DIAPH2: variants seen among roughly 807,000 people sequenced by gnomAD.
DIAPH2 encodes the protein protein diaphanous homolog 2.
A neutral mutation model predicts 92.7 loss-of-function variants in DIAPH2; 35 were observed. That is an observed-to-expected ratio of 0.38 (90% CI 0.29 to 0.50). The LOEUF (loss-of-function observed/expected upper bound fraction) is 0.50, where lower values mean the gene tolerates loss of function less well. Among genes scored for constraint, DIAPH2 ranks in the 20% least tolerant of loss-of-function variants. The pLI, the probability that DIAPH2 is intolerant of heterozygous loss-of-function variation, is 0.94. For synonymous variants in DIAPH2, 301 were observed against 280.4 expected, an observed-to-expected ratio of 1.07 and a Z score of -0.73; for missense variants, 701 against 819.5, an observed-to-expected ratio of 0.86 and a Z score of 1.77.
intron 19 of DIAPH2, among the ~76,000 whole-genome samples, chrX:97,082,477 C>CA (rs2066753924): frequency 2.9e-5 from 3 of 103,399 alleles, no homozygotes; most frequent in South Asian, 8.7e-4. Context: ...AAAAAAAATA[C>CA]AAAAATTAGT....
At chrX:97,316,728 T>G (rs1454388274) in intron 23 of DIAPH2, among the ~76,000 whole-genome samples, 1 of 111,965 alleles carries the variant, frequency 8.9e-6, no homozygotes, top group Non-Finnish European at 1.9e-5. Context: ...GTCCATTTCT[T>G]TTTCCTGTAC....
chrX:97,139,650 T>C (rs2067196927), intron 21 of DIAPH2, among the ~76,000 whole-genome samples: 1 of 111,227 alleles, frequency 9.0e-6, no homozygotes, highest in Non-Finnish European at 1.9e-5. Flanking sequence ...CTAATACATT[T>C]AACTGATGTT....
intron 25 of DIAPH2, among the ~76,000 whole-genome samples, chrX:97,389,390 C>CG (rs1223877448): frequency 9.8e-6 from 1 of 102,278 alleles, no homozygotes; most frequent in East Asian, 3.2e-4. Context: ...TGCTTGAACC[C>CG]GGGGGGCAGA....
At chrX:97,032,022 T>G in intron 17 of DIAPH2, among the ~76,000 whole-genome samples, 1 of 111,716 alleles carries the variant, frequency 9.0e-6, no homozygotes, top group Non-Finnish European at 1.9e-5. Context: ...TTAGGGAAAG[T>G]GGTAAGAAAT....
chrX:97,338,261 C>A (rs1267782969), intron 23 of DIAPH2, among the ~76,000 whole-genome samples: 1 of 111,904 alleles, frequency 8.9e-6, no homozygotes, highest in Non-Finnish European at 1.9e-5. Context: ...TTAATACATG[C>A]ATTCCATATT....
At position 97,295,818 on chromosome X, in the gene DIAPH2, G is replaced by A. The variant is rs751711853; in HGVS notation, c.2844+47979G>A. Among the ~76,000 whole-genome samples the A allele has an allele frequency of 8.5e-5, 9 of 106,504 alleles. No individual in the cohort carries two copies. The East Asian group carries it at 2.6e-3, about 31-fold the overall frequency. 92.5% of individuals were successfully genotyped at this position (106,504 alleles called of 115,157 possible). Reference sequence around the variant, plus strand: ...CTAATCTCAGCTCACTGCAACCTCCGCCTCTCAGGTTCAAGCTATTCTCCT... The same window carrying A: ...CTAATCTCAGCTCACTGCAACCTCCACCTCTCAGGTTCAAGCTATTCTCCT... On this transcript the variant is annotated intron_variant, in intron 23 of 26. Transcript: ENST00000324765.
intron 26 of DIAPH2, among the ~76,000 whole-genome samples, chrX:97,586,449 A>ACCAAACTGAACT (rs1312910092): frequency 1.2e-4 from 13 of 109,733 alleles, no homozygotes; most frequent in Admixed American, 4.8e-4. Flanking sequence ...CACCTACTGC[A>ACCAAACTGAACT]TGATCACCAA....
chrX:96,800,267 C>T (rs202173793), intron 4 of DIAPH2, among the ~76,000 whole-genome samples: 1 of 96,330 alleles, frequency 1.0e-5, no homozygotes, highest in Admixed American at 1.1e-4. Context: ...ATTTTTTTTT[C>T]CCCAGATGTA....
At chrX:97,097,348 C>T (rs910438804) in intron 19 of DIAPH2, among the ~76,000 whole-genome samples, 1 of 111,659 alleles carries the variant, frequency 9.0e-6, no homozygotes, top group Non-Finnish European at 1.9e-5. Context: ...TATTCTAATT[C>T]GCAAGTACAA....
intron 4 of DIAPH2, among the ~76,000 whole-genome samples, chrX:96,811,955 C>T (rs1426263355): frequency 9.0e-6 from 1 of 111,666 alleles, no homozygotes; most frequent in Non-Finnish European, 1.9e-5. Context: ...CATCGATGTT[C>T]ATCAGGGATA....
chrX:97,225,942 C>T (rs137937356), intron 22 of DIAPH2, among the ~76,000 whole-genome samples: 1,683 of 111,252 alleles, frequency 0.015, 32 homozygotes, highest in African/African-American at 0.052. Context: ...GGTGCCTAAG[C>T]ATAGTAGGTC....
chrX:96,988,220 CAT>C (rs2066045407), intron 17 of DIAPH2, among the ~76,000 whole-genome samples: 1 of 109,690 alleles, frequency 9.1e-6, no homozygotes, highest in African/African-American at 3.3e-5. Flanking sequence ...TAATAATAAA[CAT>C]GTAATTATAT....
At chrX:97,438,881 A>G (rs907927374) in intron 26 of DIAPH2, among the ~76,000 whole-genome samples, 1 of 111,951 alleles carries the variant, frequency 8.9e-6, no homozygotes, top group Non-Finnish European at 1.9e-5. Flanking sequence ...TTACTTTCAA[A>G]TATGTGATGC....
chrX:97,165,016 A>G (rs2067401754), intron 22 of DIAPH2, among the ~76,000 whole-genome samples: 1 of 112,535 alleles, frequency 8.9e-6, no homozygotes, highest in Non-Finnish European at 1.9e-5. Flanking sequence ...TTCAACAACT[A>G]TGGATTGAAT....
intron 19 of DIAPH2, among the ~76,000 whole-genome samples, chrX:97,090,600 C>T (rs1275958187): frequency 9.0e-6 from 1 of 110,721 alleles, no homozygotes; most frequent in Non-Finnish European, 1.9e-5. Context: ...GGGTCAGTAT[C>T]TAGATGATGG....
At chrX:97,382,037 T>C (rs1022663949) in intron 24 of DIAPH2, among the ~76,000 whole-genome samples, 1 of 111,435 alleles carries the variant, frequency 9.0e-6, no homozygotes, top group Non-Finnish European at 1.9e-5. Context: ...AAATTAGAGA[T>C]TTGACCACTA....
At chrX:97,432,729 C>T (rs1315692174) in intron 26 of DIAPH2, among the ~76,000 whole-genome samples, 2 of 110,487 alleles carry the variant, frequency 1.8e-5, no homozygotes, top group Non-Finnish European at 3.8e-5. Context: ...TCAGGTGATC[C>T]GCCCACCTCG....
At chrX:97,362,156 T>G (rs751073736) in intron 24 of DIAPH2, among the ~76,000 whole-genome samples, 1 of 109,274 alleles carries the variant, frequency 9.2e-6, no homozygotes, top group African/African-American at 3.3e-5. Flanking sequence ...CAGGAGAATC[T>G]CTTGAACCCA....
At chrX:97,215,846 A>T (rs1367644376) in intron 22 of DIAPH2, among the ~76,000 whole-genome samples, 2 of 112,288 alleles carry the variant, frequency 1.8e-5, no homozygotes, top group Non-Finnish European at 3.8e-5. Context: ...GAGAGTGAGG[A>T]AAAATTGTAG....
Sources: allele counts gnomAD v4.1 joint callset (sites outside exome capture counted in the v4.1 genomes callset), GRCh38; gene constraint gnomAD v4.1.1; transcripts MANE v1.5; gene names NCBI Gene and HGNC (gene_info 2026-07-23, HGNC 2026-07-21).